Variants in CNTN5 observed in about 807,000 individuals in gnomAD.
CNTN5 encodes the protein contactin-5.
A neutral mutation model predicts 129.1 loss-of-function variants in CNTN5; 77 were observed. The observed-to-expected ratio is 0.60, with a 90% confidence interval of 0.50 to 0.72. The LOEUF (loss-of-function observed/expected upper bound fraction) is 0.72, where lower values mean the gene tolerates loss of function less well. CNTN5 is among the 30% of genes least tolerant of loss of function. CNTN5 has a pLI of 0.00. For missense variants in CNTN5, 1,478 were observed against 1,328.8 expected, an observed-to-expected ratio of 1.11 and a Z score of -1.75; for synonymous variants, 509 against 465.6, an observed-to-expected ratio of 1.09 and a Z score of -1.20.
intron 15 of CNTN5, among the ~76,000 whole-genome samples, chr11:100,213,340 T>C (rs1387100246): frequency 6.6e-6 from 1 of 152,178 alleles, no homozygotes; most frequent in Non-Finnish European, 1.5e-5. Context: ...AGTTCCAGCA[T>C]TTACATATTT....
At chr11:100,124,930 T>A (rs933233968) in intron 13 of CNTN5, among the ~76,000 whole-genome samples, 3 of 152,108 alleles carry the variant, frequency 2.0e-5, no homozygotes, top group Non-Finnish European at 4.4e-5. Flanking sequence ...ATGCATAAAA[T>A]TAATCTGGAT....
At chr11:99,820,364 G>A (rs773416709) in intron 4 of CNTN5, among the ~76,000 whole-genome samples, 4 of 152,280 alleles carry the variant, frequency 2.6e-5, no homozygotes, top group Admixed American at 6.5e-5. Flanking sequence ...TGTATTCTGT[G>A]TAAGAAAATA....
At chr11:99,187,566 G>A (rs1186388122) in intron 1 of CNTN5, among the ~76,000 whole-genome samples, 1 of 151,638 alleles carries the variant, frequency 6.6e-6, no homozygotes, top group Non-Finnish European at 1.5e-5. Context: ...TCAATTTTAT[G>A]TATTCTTATG....
chr11:99,473,294 A>T (rs1442015587), intron 2 of CNTN5, among the ~76,000 whole-genome samples: 1 of 152,128 alleles, frequency 6.6e-6, no homozygotes, highest in African/African-American at 2.4e-5. Flanking sequence ...ACTAATTTTG[A>T]TTTTCACTTT....
chr11:100,127,804 G>A lies in CNTN5; in HGVS notation c.1580+53510G>A, dbSNP rs1418882468. Among the ~76,000 whole-genome samples, 3 of 151,510 alleles carry A rather than the reference G, an allele frequency of 2.0e-5. No homozygotes were observed. In the East Asian group the frequency reaches 5.8e-4, roughly 29 times the overall value. On this transcript the variant is annotated intron_variant, in intron 13 of 24. Coordinates refer to ENST00000524871, the MANE Select transcript of CNTN5 (RefSeq NM_014361.4). ...CTCCTGAGTAGCTGTGATTGTAGTT[G>A]CCTGCCACTGCATGCAGCTAATTTT... is the stretch of plus-strand genomic sequence containing the variant.
chr11:99,287,232 C>G (rs2135908175), intron 1 of CNTN5, among the ~76,000 whole-genome samples: 1 of 152,174 alleles, frequency 6.6e-6, no homozygotes, highest in East Asian at 1.9e-4. Flanking sequence ...TTCATTTTAT[C>G]CTTTCAATTA....
intron 1 of CNTN5, among the ~76,000 whole-genome samples, chr11:99,283,529 AC>A (rs1316276795): frequency 6.6e-6 from 1 of 152,122 alleles, no homozygotes; most frequent in Non-Finnish European, 1.5e-5. Context: ...CATTCAGTCC[AC>A]TTTTATTTTG....
At chr11:99,978,272 T>G (rs1938119696) in intron 8 of CNTN5, among the ~76,000 whole-genome samples, 2 of 152,214 alleles carry the variant, frequency 1.3e-5, no homozygotes, top group South Asian at 4.1e-4. Context: ...AGTCAAAAAG[T>G]TAAAAATAAG....
At chr11:99,999,023 T>G (rs2137456850) in intron 8 of CNTN5, among the ~76,000 whole-genome samples, 1 of 152,268 alleles carries the variant, frequency 6.6e-6, no homozygotes, top group South Asian at 2.1e-4. Context: ...GAATAAATAC[T>G]TAAACGTTAG....
At chr11:99,082,524 C>G (rs137911109) in intron 1 of CNTN5, among the ~76,000 whole-genome samples, 85 of 152,222 alleles carry the variant, frequency 5.6e-4, no homozygotes, top group African/African-American at 1.9e-3. Flanking sequence ...AGAACCACTG[C>G]CTTGGATTGA....
At chr11:99,369,386 C>G (rs1434984233) in intron 2 of CNTN5, among the ~76,000 whole-genome samples, 1 of 151,000 alleles carries the variant, frequency 6.6e-6, no homozygotes, top group Non-Finnish European at 1.5e-5. Flanking sequence ...CTGTCAGACA[C>G]CTTTGTAGTC....
intron 2 of CNTN5, among the ~76,000 whole-genome samples, chr11:99,408,452 A>AAGAAAGAAAG (rs1565557911): frequency 1.0e-3 from 92 of 91,066 alleles, no homozygotes; most frequent in Middle Eastern, 4.9e-3. Flanking sequence ...AAGAAAGAGA[A>AAGAAAGAAAG]AGAAAGAAAG....
intron 3 of CNTN5, among the ~76,000 whole-genome samples, chr11:99,636,135 C>A (rs1272082797): frequency 6.6e-6 from 1 of 151,658 alleles, no homozygotes; most frequent in Non-Finnish European, 1.5e-5. Flanking sequence ...AATAGATACC[C>A]ATATGCATAT....
chr11:99,380,768 C>CAAAAA (rs769229566), intron 2 of CNTN5, among the ~76,000 whole-genome samples: 14 of 102,424 alleles, frequency 1.4e-4, no homozygotes, highest in East Asian at 5.6e-4. Flanking sequence ...AACTCTATCT[C>CAAAAA]AAAAAAAAAA....
chr11:99,026,064 A>G (rs1215235922), intron 1 of CNTN5, among the ~76,000 whole-genome samples: 1 of 151,666 alleles, frequency 6.6e-6, no homozygotes, highest in Non-Finnish European at 1.5e-5. Context: ...TAAAAGTAAT[A>G]TTATTGGAAG....
At chr11:100,078,991 T>G (rs1328850667) in intron 13 of CNTN5, among the ~76,000 whole-genome samples, 1 of 152,014 alleles carries the variant, frequency 6.6e-6, no homozygotes, top group African/African-American at 2.4e-5. Context: ...GCAAAGCAGG[T>G]GCAAGGAACC....
At chr11:100,022,479 A>T (rs1008129614) in intron 9 of CNTN5, among the ~76,000 whole-genome samples, 1 of 152,122 alleles carries the variant, frequency 6.6e-6, no homozygotes, top group Admixed American at 6.5e-5. Context: ...CTTTAGTTAG[A>T]TAGTATTACT....
At chr11:99,898,322 C>T (rs1949263474) in intron 6 of CNTN5, among the ~76,000 whole-genome samples, 1 of 150,734 alleles carries the variant, frequency 6.6e-6, no homozygotes, top group Non-Finnish European at 1.5e-5. Flanking sequence ...GCTAGCTAGC[C>T]TAAGGAAAAA....
intron 1 of CNTN5, among the ~76,000 whole-genome samples, chr11:99,042,641 T>C (rs11218168): frequency 0.013 from 2,048 of 152,106 alleles, 48 homozygotes; most frequent in African/African-American, 0.047. Flanking sequence ...TCTCAAATTG[T>C]TGGGATTACA....
Sources: allele counts gnomAD v4.1 joint callset (sites outside exome capture counted in the v4.1 genomes callset), GRCh38; gene constraint gnomAD v4.1.1; transcripts MANE v1.5; gene names NCBI Gene and HGNC (gene_info 2026-07-23, HGNC 2026-07-21).